Variants in ATP6V1C2 observed in about 807,000 individuals in gnomAD.
ATP6V1C2 encodes ATPase H+ transporting V1 subunit C2, also known as V-type proton ATPase subunit C 2.
A neutral mutation model predicts 56.8 loss-of-function variants in ATP6V1C2; 45 were observed. The observed-to-expected ratio is 0.79, with a 90% confidence interval of 0.62 to 1.02. The LOEUF (loss-of-function observed/expected upper bound fraction) is 1.02. Among genes scored for constraint, ATP6V1C2 ranks in the 50% least tolerant of loss-of-function variants. The pLI is 0.00. For missense variants in ATP6V1C2, 463 were observed against 519.7 expected, an observed-to-expected ratio of 0.89 and a Z score of 1.06; for synonymous variants, 220 against 201.3, an observed-to-expected ratio of 1.09 and a Z score of -0.79.
At chr2:10,743,650 C>T (rs541816963) in intron 3 of ATP6V1C2, among the ~76,000 whole-genome samples, 1 of 151,470 alleles carries the variant, frequency 6.6e-6, no homozygotes, top group Non-Finnish European at 1.5e-5. Context: ...TGGAAACTAG[C>T]TTAGGCACCA....
chr2:10,746,190 A>T (rs569169843), intron 3 of ATP6V1C2, among the ~76,000 whole-genome samples: 2 of 151,574 alleles, frequency 1.3e-5, no homozygotes, highest in African/African-American at 4.9e-5. Flanking sequence ...AGTAGAGATG[A>T]GGTTTCACCA....
At chr2:10,779,790 A>ATTCT (rs1386695997) in intron 12 of ATP6V1C2, among the ~76,000 whole-genome samples, 1 of 151,954 alleles carries the variant, frequency 6.6e-6, no homozygotes, top group Non-Finnish European at 1.5e-5. Context: ...ACCAGGAGAG[A>ATTCT]ACACTGCCAG....
rs1297051289 is a variant in ATP6V1C2, at chr2:10,780,009, G to C, written c.1061+1340G>C. On this transcript the variant is annotated intron_variant, in intron 12 of 13. Transcript: ENST00000272238. This position sits in a 1 kb window ranked among gnomAD's most constrained non-coding sequence, Gnocchi z 4.1. ...CCTCCTGGGCTCCTCCAGCCCCTGAGACCCTCTGTGTGACCTTCCGGACCC... is the reference window on the plus strand; with the variant it reads ...CCTCCTGGGCTCCTCCAGCCCCTGACACCCTCTGTGTGACCTTCCGGACCC... Among the ~76,000 whole-genome samples the C allele has an allele frequency of 6.6e-6, 1 of 152,116 alleles. No individual in the cohort carries two copies. Among genetic ancestry groups the C allele is most frequent in the African/African-American group, 2.4e-5 (1 of 41,416 alleles).
At chr2:10,759,476 C>T (rs768585314) in intron 4 of ATP6V1C2, among the ~76,000 whole-genome samples, 8 of 152,156 alleles carry the variant, frequency 5.3e-5, no homozygotes, top group Non-Finnish European at 1.2e-4. Flanking sequence ...TCGGACAAGA[C>T]CATCATTGCT....
At chr2:10,764,520 C>T (rs1664111682) in intron 5 of ATP6V1C2, 95 bp downstream of exon 5, 2 of 1,037,938 alleles carry the variant, frequency 1.9e-6, no homozygotes, top group Admixed American at 3.9e-5. Context: ...TCAGCCTGTC[C>T]TGACTGGGCC....
chr2:10,772,444 C>T, intron 7 of ATP6V1C2, 98 bp from the exon 8 acceptor site: 2 of 1,018,160 alleles, frequency 2.0e-6, no homozygotes, highest in Non-Finnish European at 3.1e-6. Flanking sequence ...TGCTCACCTT[C>T]AGGCCTTCAG....
At chr2:10,773,586 T>C (rs545178914) in intron 8 of ATP6V1C2, among the ~76,000 whole-genome samples, 25 of 152,308 alleles carry the variant, frequency 1.6e-4, no homozygotes, top group Admixed American at 1.3e-3. Flanking sequence ...TTTCACTGTG[T>C]TGGCCAGGCT....
At chr2:10,768,311 G>A (rs1014306002) in intron 5 of ATP6V1C2, 7 of 193,912 alleles carry the variant, frequency 3.6e-5, no homozygotes, top group Admixed American at 2.2e-4. Context: ...GCCAACCCAT[G>A]AGAGGGAGAT....
In ATP6V1C2 at chr2:10,754,072, T is replaced by C. The variant is rs756346690; in HGVS notation, c.283+6T>C. The C allele has an allele frequency of 2.5e-6, 4 of 1,593,350 alleles. No individual in the cohort carries two copies. The South Asian group carries it at 4.5e-5, about 18-fold the overall frequency. On this transcript the variant is annotated splice_donor_region_variant and intron_variant, in intron 4 of 13. Coordinates refer to ENST00000272238, the MANE Select transcript of ATP6V1C2 (RefSeq NM_001039362.2). ...GCACCTCCTGGCAAACGGAGGTAGGTAGGGCGGCCCTCTGATGTGGAGCAC... is the reference window on the plus strand; with the variant it reads ...GCACCTCCTGGCAAACGGAGGTAGGCAGGGCGGCCCTCTGATGTGGAGCAC...
Position 10,750,606 on chromosome 2 carries a change from G to A in ATP6V1C2, c.198-3375G>A, listed in dbSNP as rs865835620. ...AACAGTCATTAGCAAAATGATGAGT[G>A]AGTTCTCTTTTTAGGTCTGTTAGGA... is the stretch of plus-strand genomic sequence containing the variant. On this transcript the variant is annotated intron_variant, in intron 3 of 13. Transcript: ENST00000272238. 1.6e-4 allele frequency among the ~76,000 whole-genome samples: 25 copies of A among 152,258 alleles called. No homozygotes were observed. The Middle Eastern group carries it at 0.01, about 62-fold the overall frequency.
At chr2:10,773,260 C>T (rs189366432) in intron 8 of ATP6V1C2, among the ~76,000 whole-genome samples, 5 of 151,892 alleles carry the variant, frequency 3.3e-5, no homozygotes, top group Non-Finnish European at 5.9e-5. Context: ...GGATGGGTCA[C>T]GGGCAGGAAG....
upstream of ATP6V1C2, among the ~76,000 whole-genome samples, chr2:10,721,353 C>G (rs1330081587): frequency 1.3e-5 from 2 of 152,146 alleles, no homozygotes; most frequent in Non-Finnish European, 2.9e-5. Flanking sequence ...CCGGCTCAGC[C>G]GTCCACGCGT....
chr2:10,778,688 C>T lies in ATP6V1C2; in HGVS notation c.1061+19C>T. 2 of 1,612,216 alleles carry T rather than the reference C, an allele frequency of 1.2e-6. No homozygotes were observed. Among genetic ancestry groups the T allele is most frequent in the Non-Finnish European group, 1.7e-6 (2 of 1,178,278 alleles). On this transcript the variant is annotated intron_variant, in intron 12 of 13. Transcript: ENST00000272238. ...TGCTCAGGTGCGTGGCAGTGATGCCCCGGCTGGGACTGTCCTGAGGATGGG... is the reference window on the plus strand; with the variant it reads ...TGCTCAGGTGCGTGGCAGTGATGCCTCGGCTGGGACTGTCCTGAGGATGGG...
At chr2:10,753,580 G>A (rs1488346647) in intron 3 of ATP6V1C2, among the ~76,000 whole-genome samples, 1 of 148,776 alleles carries the variant, frequency 6.7e-6, no homozygotes, top group African/African-American at 2.5e-5. Context: ...CACCCACGCT[G>A]GAGTGCAGTG....
chr2:10,723,134 A>C (rs1661452030), intron 2 of ATP6V1C2, among the ~76,000 whole-genome samples, 156 bp downstream of exon 2: 2 of 152,222 alleles, frequency 1.3e-5, no homozygotes, highest in Middle Eastern at 6.8e-3. Flanking sequence ...CGGGGAGGTG[A>C]TGGGCTAGGT....
intron 2 of ATP6V1C2, among the ~76,000 whole-genome samples, 190 bp from the exon 3 acceptor site, chr2:10,726,312 A>C (rs1661638757): frequency 6.6e-6 from 1 of 152,210 alleles, no homozygotes; most frequent in Non-Finnish European, 1.5e-5. Flanking sequence ...CCTGTTGGTC[A>C]AAAATAAGTA....
chr2:10,768,019 CTT>C (rs1205605816), intron 5 of ATP6V1C2: 1 of 152,226 alleles, frequency 6.6e-6, no homozygotes, highest in Non-Finnish European at 1.5e-5. Flanking sequence ...TCTGTTGACT[CTT>C]GAGATTCTCC....
rs147819579 is a variant in ATP6V1C2 at position 10,739,223 on chromosome 2, C to T, written c.197+12654C>T. Among the ~76,000 whole-genome samples the T allele has an allele frequency of 4.1e-4, 63 of 152,148 alleles. No individual in the cohort carries two copies. The East Asian group carries it at 8.9e-3, about 21-fold the overall frequency. ...GCTTGAACCCGGGAGACGGAGGTTG[C>T]GGTGAGCCGAGATCTCGCCATGGCA... On this transcript the variant is annotated intron_variant, in intron 3 of 13. Coordinates refer to ENST00000272238, the MANE Select transcript of ATP6V1C2 (RefSeq NM_001039362.2).
intron 3 of ATP6V1C2, among the ~76,000 whole-genome samples, chr2:10,751,694 G>T (rs934853934): frequency 1.3e-5 from 2 of 152,128 alleles, no homozygotes; most frequent in Non-Finnish European, 2.9e-5. Context: ...TTCTCCATCT[G>T]TAAAATGAGA....
Sources: gnomAD v4.1 joint callset for allele counts (sites outside exome capture counted in the v4.1 genomes callset) on GRCh38, gnomAD v4.1.1 for gene constraint, Gnocchi (gnomAD v3.1) non-coding constraint, MANE v1.5 for transcripts, NCBI Gene and HGNC (gene_info 2026-07-23, HGNC 2026-07-21) for gene names.